The following ENPEP variants were observed in gnomAD, a reference collection of about 807,000 sequenced individuals.
The protein encoded by ENPEP is AP-A.
ENPEP carries 103 observed loss-of-function variants against 114.5 expected under a neutral mutation model. That is an observed-to-expected ratio of 0.90 (90% CI 0.77 to 1.06). The LOEUF (loss-of-function observed/expected upper bound fraction) is 1.06. ENPEP is among the 50% of genes least tolerant of loss of function. The probability of loss-of-function intolerance (pLI) is 0.00; values close to 1 mark genes in which losing one functional copy is unlikely to be tolerated. For missense variants in ENPEP, 1,196 were observed against 1,161.3 expected (o/e 1.03, Z -0.43); for synonymous variants, 420 against 422.0 (o/e 1.00, Z 0.06).
chr4:110,557,836 T>C (rs1345201368), intron 18 of ENPEP, among the ~76,000 whole-genome samples: 1 of 152,178 alleles, frequency 6.6e-6, no homozygotes, highest in African/African-American at 2.4e-5. Context: ...ACTGAAATCA[T>C]GCTTGATTAC....
At chr4:110,559,007 G>A (rs946867640) in intron 18 of ENPEP, 1 of 152,166 alleles carries the variant, frequency 6.6e-6, no homozygotes, top group Admixed American at 6.5e-5. Flanking sequence ...AACGATGCTG[G>A]AGGTGTTCTG....
intron 11 of ENPEP, among the ~76,000 whole-genome samples, chr4:110,534,465 T>C (rs1169755670): frequency 4.6e-5 from 7 of 151,498 alleles, no homozygotes. Context: ...AACAAAATCA[T>C]TGTTATTAAG....
At chr4:110,532,755 C>T (rs1726456329) in intron 11 of ENPEP, among the ~76,000 whole-genome samples, 1 of 152,098 alleles carries the variant, frequency 6.6e-6, no homozygotes, top group Non-Finnish European at 1.5e-5. Context: ...ACAAAACTCT[C>T]TCTTGCTTAT....
At chr4:110,558,294 A>ATATATATATATATATATATAT (rs1727558733) in intron 18 of ENPEP, among the ~76,000 whole-genome samples, 2 of 128,792 alleles carry the variant, frequency 1.6e-5, no homozygotes, top group African/African-American at 5.6e-5. Context: ...ATATATATAT[A>ATATATATATATATATATATAT]AATTTTTTTT....
At chr4:110,506,829 T>C in intron 4 of ENPEP, 72 bp downstream of exon 4, 1 of 1,219,618 alleles carries the variant, frequency 8.2e-7, no homozygotes, top group Non-Finnish European at 1.1e-6. Context: ...TCATTTCTTC[T>C]AATTATGTCA....
Position 110,476,533 on chromosome 4 carries a change from C to A in ENPEP, c.119C>A (p.Thr40Asn), listed in dbSNP as rs1288968959. ...ATAGTGGGACTTGCCGTGGGCTTGA[C>A]CAGATCGTGTGACTCCAGCGGGGAC... ...GLIVGLAVGL[T>N]RSCDSSGDGG... is the part of the protein sequence containing the mutation. The change falls in exon 1 of 20, where the codon ACC (threonine) becomes AAC (asparagine). Residue 40 changes from threonine to asparagine, a missense_variant. Physicochemically the swap from Thr to Asn is moderately conservative, Grantham distance 65. Transcript: ENST00000265162. 6.2e-7 allele frequency: 1 copy of A among 1,609,284 alleles called. No homozygotes were observed. The highest frequency in any genetic ancestry group is 1.3e-5 in the African/African-American group (1 of 74,864).
chr4:110,483,884 C>T (rs1176895947), intron 1 of ENPEP, among the ~76,000 whole-genome samples: 1 of 152,090 alleles, frequency 6.6e-6, no homozygotes, highest in Non-Finnish European at 1.5e-5. Flanking sequence ...TCTCTTATTC[C>T]TTGTTTTCAA....
intron 1 of ENPEP, among the ~76,000 whole-genome samples, chr4:110,484,481 T>C (rs1342777718): frequency 2.0e-5 from 3 of 151,944 alleles, no homozygotes; most frequent in Non-Finnish European, 2.9e-5. Context: ...TCACTGTATC[T>C]ATATCTGGGT....
At chr4:110,519,873 A>T (rs1306235374) in intron 8 of ENPEP, 135 bp from the exon 9 acceptor site, 2 of 644,828 alleles carry the variant, frequency 3.1e-6, no homozygotes, top group African/African-American at 3.7e-5. Flanking sequence ...AGCCGTGCTC[A>T]TTCATGTACA....
intron 4 of ENPEP, among the ~76,000 whole-genome samples, chr4:110,508,391 G>C (rs1479477721): frequency 6.6e-6 from 1 of 151,898 alleles, no homozygotes; most frequent in Non-Finnish European, 1.5e-5. Flanking sequence ...CTCTACTTTT[G>C]AAATGACTGT....
At chr4:110,497,126 G>A (rs1231558544) in intron 3 of ENPEP, among the ~76,000 whole-genome samples, 3 of 152,140 alleles carry the variant, frequency 2.0e-5, no homozygotes, top group Non-Finnish European at 4.4e-5. Flanking sequence ...ACTTATTGTA[G>A]CATTCCCCAG....
chr4:110,543,569 T>C (rs1414820829), intron 13 of ENPEP, among the ~76,000 whole-genome samples: 1 of 152,088 alleles, frequency 6.6e-6, no homozygotes, highest in Non-Finnish European at 1.5e-5. Flanking sequence ...TTTGACTCTT[T>C]TTCTCATAGT....
chr4:110,537,404 C>T (rs1024442865), intron 11 of ENPEP, among the ~76,000 whole-genome samples: 5 of 152,246 alleles, frequency 3.3e-5, no homozygotes, highest in Non-Finnish European at 5.9e-5. Flanking sequence ...CTCAAGAAAC[C>T]GCTTTCTTTG....
At chr4:110,494,841 A>C (rs1724867819) in intron 3 of ENPEP, among the ~76,000 whole-genome samples, 1 of 152,228 alleles carries the variant, frequency 6.6e-6, no homozygotes, top group Non-Finnish European at 1.5e-5. Context: ...GAAGCCAGCC[A>C]CTGATGGAAG....
intron 17 of ENPEP, among the ~76,000 whole-genome samples, 189 bp downstream of exon 17, chr4:110,550,075 A>T (rs1417979045): frequency 6.6e-6 from 1 of 152,098 alleles, no homozygotes; most frequent in Non-Finnish European, 1.5e-5. Flanking sequence ...ATCTCATATG[A>T]ACACATTCTG....
At chr4:110,484,840 T>G (rs1298342715) in intron 1 of ENPEP, among the ~76,000 whole-genome samples, 1 of 150,994 alleles carries the variant, frequency 6.6e-6, no homozygotes, top group African/African-American at 2.4e-5. Flanking sequence ...ACATACCCCA[T>G]GGCTATAGCT....
intron 3 of ENPEP, among the ~76,000 whole-genome samples, chr4:110,491,891 T>C (rs1406441786): frequency 6.6e-6 from 1 of 152,022 alleles, no homozygotes; most frequent in Non-Finnish European, 1.5e-5. Flanking sequence ...TGGCTAATTT[T>C]TGTATTTTTA....
intron 18 of ENPEP, among the ~76,000 whole-genome samples, chr4:110,556,857 G>T (rs2110401917): frequency 6.6e-6 from 1 of 152,128 alleles, no homozygotes; most frequent in South Asian, 2.1e-4. Context: ...AAATATTGTG[G>T]AGCACCTACT....
intron 3 of ENPEP, among the ~76,000 whole-genome samples, chr4:110,502,605 G>A (rs772844944): frequency 2.0e-5 from 3 of 151,952 alleles, no homozygotes; most frequent in Non-Finnish European, 4.4e-5. Flanking sequence ...TTATTTCTGG[G>A]CTCTCTATTC....
Sources: gnomAD v4.1 joint callset for allele counts (sites outside exome capture counted in the v4.1 genomes callset) on GRCh38, gnomAD v4.1.1 for gene constraint, MANE v1.5 for transcripts, NCBI Gene and HGNC (gene_info 2026-07-23, HGNC 2026-07-21) for gene names.